The following AQP8 variants were observed in gnomAD, a reference collection of about 807,000 sequenced individuals.
AQP8 encodes aquaporin-8.
A neutral mutation model predicts 26.1 loss-of-function variants in AQP8; 14 were observed. That is an observed-to-expected ratio of 0.54 (90% CI 0.35 to 0.84). The LOEUF (loss-of-function observed/expected upper bound fraction) is 0.84. Ranked by LOEUF, AQP8 falls within the 40% of genes least tolerant of loss-of-function variation. AQP8 has a pLI of 0.01. For missense variants in AQP8, 301 were observed against 340.5 expected, an observed-to-expected ratio of 0.88 and a Z score of 0.91; for synonymous variants, 131 against 150.7, an observed-to-expected ratio of 0.87 and a Z score of 0.96.
At chr16:25,221,920 A>G (rs1567343800) in intron 3 of AQP8, among the ~76,000 whole-genome samples, 1 of 152,006 alleles carries the variant, frequency 6.6e-6, no homozygotes, top group Non-Finnish European at 1.5e-5. Context: ...GGCGCATGCC[A>G]CCATGCCCAG....
At chr16:25,227,542 T>G (rs1962651945) in intron 5 of AQP8, among the ~76,000 whole-genome samples, 1 of 152,048 alleles carries the variant, frequency 6.6e-6, no homozygotes, top group African/African-American at 2.4e-5. Flanking sequence ...CAGGCTGGAG[T>G]GCAGTGGTGT....
intron 5 of AQP8, among the ~76,000 whole-genome samples, chr16:25,227,732 C>A (rs527619440): frequency 6.6e-6 from 1 of 152,074 alleles, no homozygotes; most frequent in Non-Finnish European, 1.5e-5. Context: ...ATGTGATCCA[C>A]CTGCCTGGGC....
intron 4 of AQP8, among the ~76,000 whole-genome samples, chr16:25,225,699 C>T (rs1164720154): frequency 1.3e-5 from 2 of 152,180 alleles, no homozygotes; most frequent in African/African-American, 2.4e-5. Flanking sequence ...TGAGCCACCG[C>T]GCCCCGCCTA....
chr16:25,217,315 G>T lies in AQP8; in HGVS notation c.130G>T (p.Gly44Cys). 2.5e-6 allele frequency: 4 copies of T among 1,614,176 alleles called. No individual in the cohort carries two copies. The highest frequency in any genetic ancestry group is 1.7e-6 in the Non-Finnish European group (2 of 1,180,036). The change falls in exon 2 of 6, where the codon GGC (glycine) becomes TGC (cysteine). Residue 44 changes from glycine (G) to cysteine (C), a missense_variant. Gly to Cys is a radical substitution (Grantham distance 159). Coordinates refer to ENST00000219660, the MANE Select transcript of AQP8 (RefSeq NM_001169.3). ...FVQPCLVELL[G>C]SALFIFIGCL... ...GCAGCCATGTCTGGTCGAACTGCTG[G>T]GCTCTGCTCTCTTCATCTTCATCGG... is the stretch of plus-strand genomic sequence containing the variant.
In AQP8 at chr16:25,217,014, C is replaced by T. The variant is rs1193359199; in HGVS notation, c.-32C>T. 1.9e-6 allele frequency: 3 copies of T among 1,613,694 alleles called. No homozygotes were observed. The highest frequency in any genetic ancestry group is 2.7e-5 in the African/African-American group (2 of 74,916). On this transcript the variant is annotated 5_prime_UTR_variant, in exon 1 of 6. Coordinates refer to ENST00000219660, the MANE Select transcript of AQP8 (RefSeq NM_001169.3). Reference sequence around the variant, plus strand: ...GGTGCAGGTTTCCCAGCAGCTCAGGCAAGAGTCCGATGTTTGTGCCATCTG... The same window carrying T: ...GGTGCAGGTTTCCCAGCAGCTCAGGTAAGAGTCCGATGTTTGTGCCATCTG...
chr16:25,228,267 A>T (rs73551053), intron 5 of AQP8, among the ~76,000 whole-genome samples, 177 bp from the exon 6 acceptor site: 4,669 of 139,252 alleles, frequency 0.034, 86 homozygotes, highest in African/African-American at 0.039. Flanking sequence ...TGTCTCAATT[A>T]AAAAAAAAAA....
chr16:25,225,626 G>T (rs977679236), intron 4 of AQP8, among the ~76,000 whole-genome samples: 2 of 151,960 alleles, frequency 1.3e-5, no homozygotes, highest in African/African-American at 4.8e-5. Flanking sequence ...AGGCAGGATG[G>T]TCTCGATTTC....
At chr16:25,225,405 G>T (rs973458943) in intron 4 of AQP8, among the ~76,000 whole-genome samples, 3 of 152,012 alleles carry the variant, frequency 2.0e-5, no homozygotes, top group Admixed American at 6.6e-5. Flanking sequence ...GCAGGCTGGG[G>T]AATGTGTGTG....
At position 25,221,463 on chromosome 16, in the gene AQP8, A is replaced by G. The variant is rs1203638770; in HGVS notation, c.267A>G (p.Gly89=). 2.5e-6 allele frequency: 4 copies of G among 1,613,818 alleles called. No individual in the cohort carries two copies. The Admixed American group carries it at 6.7e-5, about 27-fold the overall frequency. The change falls in exon 3 of 6, where the codon GGA becomes GGG. Residue 89 remains glycine (G), a synonymous_variant. Coordinates refer to ENST00000219660, the MANE Select transcript of AQP8 (RefSeq NM_001169.3). ...CTGCTCTTGTGGGTTACAGTGGTGG[A>G]CACTTCAACCCTGCGGTGTCCCTGG... ...VIATLGNISG[G]HFNPAVSLAA...
chr16:25,221,638 G>A (rs1962564393), intron 3 of AQP8, 55 bp downstream of exon 3: 3 of 1,606,634 alleles, frequency 1.9e-6, no homozygotes, highest in Admixed American at 1.7e-5. Context: ...GCTGCTGGAG[G>A]TGCATATGTG....
intron 3 of AQP8, among the ~76,000 whole-genome samples, chr16:25,222,048 A>G (rs1962569707): frequency 2.0e-5 from 3 of 151,844 alleles, no homozygotes; most frequent in Admixed American, 1.3e-4. Context: ...GGTTACAGGC[A>G]TGAGCCACTG....
intron 2 of AQP8, among the ~76,000 whole-genome samples, chr16:25,219,878 A>G (rs111627023): frequency 0.017 from 2,572 of 147,014 alleles, 71 homozygotes; most frequent in African/African-American, 0.025. Context: ...CTCTACCAAA[A>G]ATACAAAAAT....
intron 2 of AQP8, among the ~76,000 whole-genome samples, chr16:25,217,933 C>G (rs372441894): frequency 6.6e-6 from 1 of 151,958 alleles, no homozygotes; most frequent in Admixed American, 6.6e-5. Context: ...TAACCATGTA[C>G]CAGGCACTAG....
chr16:25,221,866 C>T (rs2141341675), intron 3 of AQP8, among the ~76,000 whole-genome samples: 1 of 152,296 alleles, frequency 6.6e-6, no homozygotes, highest in South Asian at 2.1e-4. Context: ...CTCCTGGGCT[C>T]AAGCAATTCT....
chr16:25,217,455 G>C lies in AQP8; in HGVS notation c.260+10G>C. ...CGCTGGGGAATATCAGGTGAGACCA[G>C]CTCTGAGGATTCAGCCTGATGCTGA... On this transcript the variant is annotated intron_variant, in intron 2 of 5. Transcript: ENST00000219660. 6.2e-7 allele frequency: 1 copy of C among 1,613,040 alleles called. No homozygotes were observed. Among genetic ancestry groups the C allele is most frequent in the Non-Finnish European group, 8.5e-7 (1 of 1,179,368 alleles).
rs1012386129 is a variant in AQP8 at position 25,227,134 on chromosome 16, C to T, written c.669C>T (p.His223=). 20 of 1,613,990 alleles carry T rather than the reference C, an allele frequency of 1.2e-5. No homozygotes were observed. The highest frequency in any genetic ancestry group is 1.7e-5 in the Non-Finnish European group (20 of 1,180,036). ...RAFGPAVVAN[H]WNFHWIYWLG... ...TTGGACCTGCGGTGGTGGCCAACCA[C>T]TGGAACTTCCACTGGATCTACTGGC... The change falls in exon 5 of 6, where the codon CAC becomes CAT. Residue 223 remains histidine, a synonymous_variant. Coordinates refer to ENST00000219660, the MANE Select transcript of AQP8 (RefSeq NM_001169.3).
rs1962667028 is a variant in AQP8 at position 25,228,590 on chromosome 16, G to A, written c.*98G>A. The A allele has an allele frequency of 7.6e-7, 1 of 1,322,032 alleles. No homozygotes were observed. The highest frequency in any genetic ancestry group is 1.4e-5 in the African/African-American group (1 of 69,120). The allele number at this position is 1,322,032 out of a possible 1,614,324, so 81.9% of individuals were successfully genotyped here. A position where few individuals can be genotyped will look rare whatever the true frequency, so the allele number is the denominator to read the frequency against. ...TCCTGCATTTCCTGCCAGGGCAGAG[G>A]CCCAGAGGAGCGACCCCCTGCTTCC... On this transcript the variant is annotated 3_prime_UTR_variant, in exon 6 of 6. Transcript: ENST00000219660.
intron 2 of AQP8, among the ~76,000 whole-genome samples, chr16:25,219,805 G>A (rs1436258917): frequency 6.6e-6 from 1 of 151,352 alleles, no homozygotes; most frequent in East Asian, 1.9e-4. Context: ...GGGAGGCCGA[G>A]GCAGGTGAAT....
chr16:25,223,946 C>T (rs572711329), intron 3 of AQP8, among the ~76,000 whole-genome samples: 3 of 152,058 alleles, frequency 2.0e-5, no homozygotes, highest in African/African-American at 7.2e-5. Context: ...GGTGCCTCAG[C>T]CTCCTGAGCA....
Sources: gnomAD v4.1 joint callset for allele counts (sites outside exome capture counted in the v4.1 genomes callset) on GRCh38, gnomAD v4.1.1 for gene constraint, MANE v1.5 for transcripts, NCBI Gene and HGNC (gene_info 2026-07-23, HGNC 2026-07-21) for gene names.